Variants in TK1 observed in about 807,000 individuals in gnomAD.
TK1 encodes the protein thymidine kinase 1, also known as thymidine kinase, cytosolic.
Under a neutral mutation model 22.4 loss-of-function variants are expected in TK1, and 13 were observed. The observed-to-expected ratio is 0.58, with a 90% confidence interval of 0.38 to 0.92. The LOEUF (loss-of-function observed/expected upper bound fraction) is 0.92. Among genes scored for constraint, TK1 ranks in the 40% least tolerant of loss-of-function variants. TK1 has a pLI of 0.00. For synonymous variants in TK1, 134 were observed against 125.4 expected (o/e 1.07, Z -0.46); for missense variants, 251 against 315.7 (o/e 0.80, Z 1.55).
In TK1 at chr17:78,174,497, A is replaced by AT; in HGVS notation, c.*261dup. On this transcript the variant is annotated 3_prime_UTR_variant, in exon 7 of 7. Transcript: ENST00000301634. The stretch of plus-strand genomic sequence containing the variant: ...ACCCCAAGGAGAGGGAGTGTGCCAG[A>AT]TCCCAGGCCACCAAGCGGGGCCAGC... 1 of 514,298 alleles carries AT rather than the reference A, an allele frequency of 1.9e-6. No individual in the cohort carries two copies. The highest frequency in any genetic ancestry group is 3.5e-6 in the Non-Finnish European group (1 of 289,478). 31.9% of individuals were successfully genotyped at this position (514,298 alleles called of 1,614,324 possible). A position where few individuals can be genotyped will look rare whatever the true frequency, so the allele number is the denominator to read the frequency against.
chr17:78,183,190 A>G (rs2075750184), intron 3 of TK1, among the ~76,000 whole-genome samples: 1 of 152,196 alleles, frequency 6.6e-6, no homozygotes, highest in Non-Finnish European at 1.5e-5. Context: ...AGAAATTAGT[A>G]ATGTCCAGTA....
Position 78,182,687 on chromosome 17 carries a change from G to A in TK1, c.210-5C>T, listed in dbSNP as rs1266352263. 3.8e-6 allele frequency: 6 copies of A among 1,567,352 alleles called. No homozygotes were observed. The highest frequency in any genetic ancestry group is 1.7e-4 in the Middle Eastern group (1 of 5,982). ...GGCAGTGCCTCCATGGTGTTCCTGG[G>A]AAGAGAAAGCCAGAGCGTGAGCAGG... On this transcript the variant is annotated splice_region_variant and splice_polypyrimidine_tract_variant and intron_variant, in intron 3 of 6. Transcript: ENST00000301634.
chr17:78,179,194 C>G, intron 4 of TK1: 1 of 985,410 alleles, frequency 1.0e-6, no homozygotes, highest in Non-Finnish European at 1.2e-6. Context: ...GAGGGAGAGC[C>G]TTGCCAAAGC....
chr17:78,185,119 T>C lies in TK1; in HGVS notation c.145A>G (p.Lys49Glu). 1 of 1,610,330 alleles carries C rather than the reference T, an allele frequency of 6.2e-7. No individual in the cohort carries two copies. ...TTGGCATACTTGATCACCAGGCACTTGTACTGAGCAATCTGGAAGCGACGG... is the reference window on the plus strand; with the variant it reads ...TTGGCATACTTGATCACCAGGCACTCGTACTGAGCAATCTGGAAGCGACGG... ...RVRRFQIAQY[K>E]CLVIKYAKDT... The change falls in exon 3 of 7, where the codon AAG becomes GAG. Residue 49 changes from lysine (K) to glutamate (E), a missense_variant. By Grantham distance (56) the Lys-to-Glu change is moderately conservative. Coordinates refer to ENST00000301634, the MANE Select transcript of TK1 (RefSeq NM_003258.5).
Position 78,179,530 on chromosome 17 carries a change from C to A in TK1, c.303+3059G>T, listed in dbSNP as rs145436960. 180 of 985,408 alleles carry A rather than the reference C, an allele frequency of 1.8e-4. 1 individual carries two copies. In the South Asian group the frequency reaches 7.7e-3, roughly 42 times the overall value. 61.0% of individuals were successfully genotyped at this position (985,408 alleles called of 1,614,324 possible). On this transcript the variant is annotated intron_variant, in intron 4 of 6. Transcript: ENST00000301634. ...CCTCAACTCCACAGGGCAGATGCCC[C>A]GCACAGGGGAAGGGACCCGTCAGCC... is the stretch of plus-strand genomic sequence containing the variant.
chr17:78,178,739 G>T (rs1424952275), intron 4 of TK1, among the ~76,000 whole-genome samples: 1 of 152,154 alleles, frequency 6.6e-6, no homozygotes. Flanking sequence ...TCGCCTACCG[G>T]GTTCAAGCGA....
Position 78,182,701 on chromosome 17 carries a change from A to T in TK1, c.210-19T>A. ...GGTGTTCCTGGGAAGAGAAAGCCAGAGCGTGAGCAGGGCCAGGGAGGCCAG... is the reference window on the plus strand; with the variant it reads ...GGTGTTCCTGGGAAGAGAAAGCCAGTGCGTGAGCAGGGCCAGGGAGGCCAG... On this transcript the variant is annotated intron_variant, in intron 3 of 6. Transcript: ENST00000301634. 6.5e-7 allele frequency: 1 copy of T among 1,543,992 alleles called. No individual in the cohort carries two copies. The highest frequency in any genetic ancestry group is 8.7e-7 in the Non-Finnish European group (1 of 1,148,044).
chr17:78,179,398 G>T, intron 4 of TK1: 1 of 985,336 alleles, frequency 1.0e-6, no homozygotes, highest in South Asian at 4.7e-5. Flanking sequence ...GAGGCATGGG[G>T]GTGCTCAGGG....
chr17:78,180,375 G>A (rs573518396), intron 4 of TK1, among the ~76,000 whole-genome samples: 2 of 152,294 alleles, frequency 1.3e-5, no homozygotes, highest in African/African-American at 2.4e-5. Flanking sequence ...TGTGTACTTC[G>A]AGGCAACCCT....
intron 3 of TK1, among the ~76,000 whole-genome samples, chr17:78,182,972 G>C (rs145005089): frequency 2.0e-5 from 3 of 152,110 alleles, no homozygotes; most frequent in Admixed American, 2.0e-4. Flanking sequence ...GGTCTCAAGC[G>C]ATTCTCCCAC....
intron 3 of TK1, chr17:78,183,821 C>T (rs1385770145): frequency 6.6e-6 from 1 of 152,218 alleles, no homozygotes; most frequent in African/African-American, 2.4e-5. Flanking sequence ...TTTTAAATTC[C>T]CTCTTCCCTC....
At position 78,175,998 on chromosome 17, in the gene TK1, C is replaced by T. The variant is rs544242589; in HGVS notation, c.304-380G>A. On this transcript the variant is annotated intron_variant, in intron 4 of 6. Coordinates refer to ENST00000301634, the MANE Select transcript of TK1 (RefSeq NM_003258.5). ...CTGTGTGACCTTGGCAATGAATTAA[C>T]GTCTCTGAACCTGTTTCCTTTTCCT... 6.6e-5 allele frequency among the ~76,000 whole-genome samples: 10 copies of T among 152,326 alleles called. No homozygotes were observed. In the East Asian group the frequency reaches 1.5e-3, roughly 23 times the overall value.
At position 78,175,577 on chromosome 17, in the gene TK1, G is replaced by C; in HGVS notation, c.345C>G (p.Ala115=). 1 of 1,613,686 alleles carries C rather than the reference G, an allele frequency of 6.2e-7. No homozygotes were observed. Among genetic ancestry groups the C allele is most frequent in the Non-Finnish European group, 8.5e-7 (1 of 1,179,844 alleles). ...GTGCAGCCACAATTACGGTCTTCCC[G>C]GCGTTGGCCATGGCCTCGCAGAACT... ...IVEFCEAMAN[A]GKTVIVAALD... is the part of the protein sequence containing the mutation. The change falls in exon 5 of 7, where the codon GCC becomes GCG. Residue 115 remains alanine, a synonymous_variant. Transcript: ENST00000301634.
chr17:78,186,679 G>A, intron 2 of TK1, 108 bp downstream of exon 2: 2 of 995,062 alleles, frequency 2.0e-6, no homozygotes, highest in Non-Finnish European at 2.9e-6. Flanking sequence ...GAAGGGGAGG[G>A]AAGGGAAGGG....
chr17:78,179,743 C>A (rs2854704), intron 4 of TK1: 461,397 of 984,934 alleles, frequency 0.47, 113,262 homozygotes, highest in African/African-American at 0.82. Context: ...CTCACCAAAC[C>A]AACTCATTTA....
intron 4 of TK1, among the ~76,000 whole-genome samples, chr17:78,176,473 T>G (rs941850181): frequency 1.2e-4 from 19 of 152,066 alleles, no homozygotes; most frequent in African/African-American, 4.3e-4. Flanking sequence ...ACGTGAGGGC[T>G]TAGCAAGGTG....
At chr17:78,176,498 G>C (rs1172084596) in intron 4 of TK1, among the ~76,000 whole-genome samples, 1 of 152,094 alleles carries the variant, frequency 6.6e-6, no homozygotes, top group Non-Finnish European at 1.5e-5. Context: ...CTAAGGGGTG[G>C]CTCGAAAAAT....
At chr17:78,177,786 G>C (rs948355808) in intron 4 of TK1, among the ~76,000 whole-genome samples, 35 of 151,984 alleles carry the variant, frequency 2.3e-4, no homozygotes, top group Admixed American at 1.6e-3. Flanking sequence ...GTGTTAGCCA[G>C]GATGGTCTCG....
At chr17:78,175,403 C>A in intron 5 of TK1, 126 bp downstream of exon 5, 1 of 1,117,008 alleles carries the variant, frequency 9.0e-7, no homozygotes. Flanking sequence ...CAGCCAAGGC[C>A]TGAGCAGCTC....
Sources: gnomAD v4.1 joint callset for allele counts (sites outside exome capture counted in the v4.1 genomes callset) on GRCh38, gnomAD v4.1.1 for gene constraint, MANE v1.5 for transcripts, NCBI Gene and HGNC (gene_info 2026-07-23, HGNC 2026-07-21) for gene names.